AFF1: variants seen among roughly 807,000 people sequenced by gnomAD.
AFF1 encodes ALF transcription elongation factor 1.
Under a neutral mutation model 121.7 loss-of-function variants are expected in AFF1, and 48 were observed. That is an observed-to-expected ratio of 0.39 (90% CI 0.31 to 0.50). The LOEUF is 0.50. Among genes scored for constraint, AFF1 ranks in the 20% least tolerant of loss-of-function variants. AFF1 has a pLI of 0.76. For missense variants in AFF1, 1,523 were observed against 1,511.7 expected, an observed-to-expected ratio of 1.01 and a Z score of -0.12; for synonymous variants, 613 against 563.0, an observed-to-expected ratio of 1.09 and a Z score of -1.26.
chr4:87,105,444 G>T (rs753594621), intron 8 of AFF1, among the ~76,000 whole-genome samples, 184 bp from the exon 9 acceptor site: 29 of 152,036 alleles, frequency 1.9e-4, no homozygotes, highest in Non-Finnish European at 3.7e-4. Context: ...AATTGTATTC[G>T]TACATTGTAA....
At chr4:87,110,198 CTT>C (rs1726325047) in intron 11 of AFF1, among the ~76,000 whole-genome samples, 3 of 148,920 alleles carry the variant, frequency 2.0e-5, no homozygotes, top group Non-Finnish European at 4.5e-5. Flanking sequence ...TTTCTCTTTT[CTT>C]TGTCTTAATT....
intron 11 of AFF1, among the ~76,000 whole-genome samples, chr4:87,110,272 T>C (rs1372358962): frequency 2.0e-5 from 3 of 152,166 alleles, no homozygotes; most frequent in African/African-American, 7.2e-5. Context: ...AGCCATATAA[T>C]GCATAATAAT....
chr4:87,057,374 T>A (rs1195492190), intron 4 of AFF1, among the ~76,000 whole-genome samples: 1 of 152,242 alleles, frequency 6.6e-6, no homozygotes, highest in East Asian at 1.9e-4. Context: ...TTTGGCTTCA[T>A]GGCAGGTGGT....
chr4:87,116,285 G>T (rs1159270461), intron 12 of AFF1, among the ~76,000 whole-genome samples: 1 of 152,192 alleles, frequency 6.6e-6, no homozygotes, highest in African/African-American at 2.4e-5. Context: ...AAGATTGTCT[G>T]TTACTTGAAC....
intron 5 of AFF1, among the ~76,000 whole-genome samples, chr4:87,084,579 A>AATAC (rs1723519746): frequency 6.7e-6 from 1 of 148,250 alleles, no homozygotes; most frequent in Non-Finnish European, 1.5e-5. Flanking sequence ...TAAATAAATA[A>AATAC]ATAAATAAAT....
chr4:87,120,583 G>A (rs535666559), intron 12 of AFF1, among the ~76,000 whole-genome samples: 8 of 152,216 alleles, frequency 5.3e-5, no homozygotes, highest in Non-Finnish European at 1.0e-4. Flanking sequence ...CTCCGTACAA[G>A]TGTCTGTTGG....
At chr4:86,948,039 A>C (rs1720995318) in intron 1 of AFF1, among the ~76,000 whole-genome samples, 1 of 149,916 alleles carries the variant, frequency 6.7e-6, no homozygotes, top group African/African-American at 2.4e-5. Flanking sequence ...CTTAAAACTA[A>C]GTCTACATTT....
intron 2 of AFF1, among the ~76,000 whole-genome samples, chr4:86,995,281 TCTCCCTC>T (rs1725037224): frequency 1.1e-4 from 4 of 36,246 alleles, no homozygotes; most frequent in East Asian, 2.6e-3. Context: ...CCCCTCCCCC[TCTCCCTC>T]CCCCTCTCCC....
At chr4:87,121,412 A>G (rs1053681349) in intron 12 of AFF1, among the ~76,000 whole-genome samples, 5 of 152,120 alleles carry the variant, frequency 3.3e-5, no homozygotes, top group Admixed American at 3.3e-4. Flanking sequence ...CCTTTCCTAC[A>G]TCCATCCACT....
intron 2 of AFF1, among the ~76,000 whole-genome samples, chr4:86,982,366 C>T (rs1403907643): frequency 4.4e-5 from 6 of 136,450 alleles, no homozygotes. Flanking sequence ...AAGGCAAGCG[C>T]TGTTCAAAGA....
intron 2 of AFF1, among the ~76,000 whole-genome samples, chr4:87,023,099 G>A (rs942652583): frequency 3.3e-5 from 5 of 151,830 alleles, no homozygotes; most frequent in Non-Finnish European, 7.4e-5. Flanking sequence ...TGTAGAGATG[G>A]GGTCTTTCTT....
rs185638026 is a variant in AFF1 at position 86,948,416 on chromosome 4, A to G, written c.-36-82A>G. 86 of 890,060 alleles carry G rather than the reference A, an allele frequency of 9.7e-5. No individual in the cohort carries two copies. In the African/African-American group the frequency reaches 1.2e-3, roughly 13 times the overall value. 55.1% of individuals were successfully genotyped at this position (890,060 alleles called of 1,614,324 possible). A position where few individuals can be genotyped will look rare whatever the true frequency, so the allele number is the denominator to read the frequency against. On this transcript the variant is annotated intron_variant, in intron 1 of 20. Transcript: ENST00000395146. Reference sequence around the variant, plus strand: ...ATGAGAACTTGGAATTCTGTCTCCAATAAAGCTTCTTACAGGTCATGCGTA... The same window carrying G: ...ATGAGAACTTGGAATTCTGTCTCCAGTAAAGCTTCTTACAGGTCATGCGTA...
intron 1 of AFF1, among the ~76,000 whole-genome samples, chr4:86,944,757 A>G (rs1720733854): frequency 6.6e-6 from 1 of 152,260 alleles, no homozygotes; most frequent in Non-Finnish European, 1.5e-5. Flanking sequence ...CTAAGTGAAC[A>G]GAATATTTGA....
At chr4:87,006,626 C>G (rs1436706293) in intron 2 of AFF1, among the ~76,000 whole-genome samples, 1 of 152,254 alleles carries the variant, frequency 6.6e-6, no homozygotes, top group South Asian at 2.1e-4. Context: ...ACGTGGTTTA[C>G]TGCCGCGGTC....
chr4:87,064,856 A>G (rs149550088), intron 4 of AFF1, among the ~76,000 whole-genome samples: 4,625 of 144,870 alleles, frequency 0.032, 277 homozygotes, highest in African/African-American at 0.11. Context: ...CTGGGCAACA[A>G]GAGTGAAATT....
chr4:87,101,560 C>G (rs961932238), intron 8 of AFF1, among the ~76,000 whole-genome samples: 1 of 146,324 alleles, frequency 6.8e-6, no homozygotes, highest in Non-Finnish European at 1.5e-5. Flanking sequence ...GCATGGGCGA[C>G]AGAGTGAGAC....
intron 2 of AFF1, among the ~76,000 whole-genome samples, chr4:86,959,803 G>A (rs1435990709): frequency 6.6e-6 from 1 of 152,182 alleles, no homozygotes; most frequent in Non-Finnish European, 1.5e-5. Context: ...GAAAGAACCA[G>A]GGAAGGTAAG....
chr4:87,023,797 TAAAC>T (rs1728261141), intron 2 of AFF1, among the ~76,000 whole-genome samples: 1 of 152,234 alleles, frequency 6.6e-6, no homozygotes, highest in Non-Finnish European at 1.5e-5. Flanking sequence ...AAACCATGCT[TAAAC>T]AAGAGGGTTC....
At chr4:87,089,742 C>T (rs145163820) in intron 5 of AFF1, among the ~76,000 whole-genome samples, 25 of 152,264 alleles carry the variant, frequency 1.6e-4, no homozygotes, top group Non-Finnish European at 2.9e-5. Context: ...AATTCATTCA[C>T]GTTCTATACC....
Sources: allele counts gnomAD v4.1 joint callset (sites outside exome capture counted in the v4.1 genomes callset), GRCh38; gene constraint gnomAD v4.1.1; transcripts MANE v1.5; gene names NCBI Gene and HGNC (gene_info 2026-07-23, HGNC 2026-07-21).